UGGT2: variants seen among roughly 807,000 people sequenced by gnomAD.
UGGT2 encodes the protein UDP-glucose glycoprotein glucosyltransferase 2.
Under a neutral mutation model 192.1 loss-of-function variants are expected in UGGT2, and 180 were observed. The ratio of observed to expected loss-of-function variants is 0.94; its 90% CI spans 0.83 to 1.06. The LOEUF is 1.06. Among genes scored for constraint, UGGT2 ranks in the 50% least tolerant of loss-of-function variants. UGGT2 has a pLI of 0.00. For missense variants in UGGT2, 1,849 were observed against 1,795.7 expected (o/e 1.03, Z -0.54); for synonymous variants, 580 against 591.0 (o/e 0.98, Z 0.27).
rs377573656 is a variant in UGGT2, at chr13:96,023,645, A to T, written c.356T>A (p.Ile119Asn). Residue 119 changes from isoleucine to asparagine, a missense_variant, in exon 3 of 39, where the codon ATT becomes AAT. Transcript: ENST00000376747. ...TTTACGCACCTGCTGAAACATCTGA[A>T]TAGCTGGGGAGTATGCCCTTATAGA... ...AFSIRAYSPAIQMFQQIAADE... is the reference protein window; with the variant it reads ...AFSIRAYSPANQMFQQIAADE... 57 of 1,607,994 alleles carry T rather than the reference A, an allele frequency of 3.5e-5. No individual in the cohort carries two copies. The highest frequency in any genetic ancestry group is 4.8e-5 in the Non-Finnish European group (56 of 1,176,506).
intron 31 of UGGT2, 103 bp from the exon 32 acceptor site, chr13:95,860,986 T>C (rs1890111634): frequency 3.7e-6 from 2 of 539,112 alleles, no homozygotes; most frequent in Non-Finnish European, 6.1e-6. Flanking sequence ...TATTTCAAAA[T>C]AGTTAAGCTA....
At chr13:95,981,034 G>C (rs1367998777) in intron 10 of UGGT2, among the ~76,000 whole-genome samples, 2 of 152,016 alleles carry the variant, frequency 1.3e-5, no homozygotes, top group East Asian at 1.9e-4. Context: ...TTTGTGGGCA[G>C]GATGTTTCTT....
chr13:95,907,705 A>G (rs958349111), intron 20 of UGGT2, among the ~76,000 whole-genome samples: 1 of 152,088 alleles, frequency 6.6e-6, no homozygotes, highest in Non-Finnish European at 1.5e-5. Flanking sequence ...CATCAACATC[A>G]ACAAAAAGGT....
chr13:95,920,785 T>G (rs2048820526), intron 20 of UGGT2, among the ~76,000 whole-genome samples: 1 of 152,192 alleles, frequency 6.6e-6, no homozygotes, highest in South Asian at 2.1e-4. Flanking sequence ...CGGAGATTTC[T>G]CAAAGAACTG....
At chr13:95,853,689 T>C (rs1233304735) in intron 35 of UGGT2, 32 bp from the exon 36 acceptor site, 42 of 1,469,366 alleles carry the variant, frequency 2.9e-5, no homozygotes, top group East Asian at 4.7e-5. Context: ...TGATAGCCTA[T>C]GTTGTTTATG....
At chr13:95,897,936 T>C (rs2047993629) in intron 22 of UGGT2, among the ~76,000 whole-genome samples, 1 of 152,102 alleles carries the variant, frequency 6.6e-6, no homozygotes, top group Admixed American at 6.6e-5. Flanking sequence ...TCTTTCCTTC[T>C]TCTTATACTG....
At chr13:96,013,851 G>C (rs1238810123) in intron 4 of UGGT2, among the ~76,000 whole-genome samples, 1 of 152,000 alleles carries the variant, frequency 6.6e-6, no homozygotes, top group Non-Finnish European at 1.5e-5. Flanking sequence ...AAGGCACAAA[G>C]CAAAAGTACT....
At chr13:96,026,168 A>C (rs1157663894) in intron 2 of UGGT2, among the ~76,000 whole-genome samples, 1 of 152,180 alleles carries the variant, frequency 6.6e-6, no homozygotes, top group Non-Finnish European at 1.5e-5. Context: ...TCTAGTTTAA[A>C]AAACAAACAA....
intron 37 of UGGT2, 90 bp downstream of exon 37, chr13:95,836,996 A>C: frequency 1.0e-6 from 1 of 994,740 alleles, no homozygotes; most frequent in Non-Finnish European, 1.6e-6. Context: ...AGTAATACGT[A>C]TGCCACTCCC....
intron 36 of UGGT2, among the ~76,000 whole-genome samples, chr13:95,841,130 T>C (rs1027866811): frequency 5.3e-5 from 8 of 152,104 alleles, no homozygotes; most frequent in Admixed American, 3.3e-4. Flanking sequence ...GACAGGTTGA[T>C]AGGTGCAGCA....
rs118151543 is a variant in UGGT2 at position 96,052,580 on chromosome 13, G to A, written c.158+575C>T. Reference sequence around the variant, plus strand: ...TGTGGTGAACAGCCATTAAGTCATTGGTGTAAAACTTCATTTTTGCTAAGA... The same window carrying A: ...TGTGGTGAACAGCCATTAAGTCATTAGTGTAAAACTTCATTTTTGCTAAGA... On this transcript the variant is annotated intron_variant, in intron 1 of 38. Coordinates refer to ENST00000376747, the MANE Select transcript of UGGT2 (RefSeq NM_020121.4). Among the ~76,000 whole-genome samples the A allele has an allele frequency of 5.5e-4, 84 of 152,258 alleles. 2 individuals are homozygous for A. In the East Asian group the frequency reaches 0.016, roughly 29 times the overall value.
chr13:95,926,244 G>C (rs2049011652), intron 19 of UGGT2, among the ~76,000 whole-genome samples: 1 of 152,094 alleles, frequency 6.6e-6, no homozygotes, highest in Non-Finnish European at 1.5e-5. Context: ...AGTAATCCAG[G>C]AGCCATCTGG....
At chr13:95,978,806 TAAGAC>T (rs1041402203) in intron 10 of UGGT2, among the ~76,000 whole-genome samples, 27 of 152,312 alleles carry the variant, frequency 1.8e-4, no homozygotes, top group African/African-American at 6.0e-4. Flanking sequence ...GAATAAGGAA[TAAGAC>T]AAGATAAGAC....
intron 17 of UGGT2, among the ~76,000 whole-genome samples, chr13:95,931,531 G>A (rs1302468938): frequency 1.3e-5 from 2 of 151,690 alleles, no homozygotes; most frequent in Admixed American, 6.6e-5. Flanking sequence ...AGACCCCACG[G>A]TGCCGGGGCA....
chr13:95,856,242 CCT>C lies in UGGT2; in HGVS notation c.3922_3923del (p.Arg1308AspfsTer11). 3 of 1,613,660 alleles carry C rather than the reference CCT, an allele frequency of 1.9e-6. No individual in the cohort carries two copies. The highest frequency in any genetic ancestry group is 2.5e-6 in the Non-Finnish European group (3 of 1,179,770). On this transcript the variant is annotated frameshift_variant, in exon 34 of 39. Transcript: ENST00000376747. LOFTEE classifies it high-confidence loss of function. The part of the protein sequence containing the change: ...RWLRQQTERQ[R>X]IIWGYKILFL... ...AAAGAATTTTGTAACCCCAAATAAT[CCT>C]CTGTCTTTCAGTCTGTTGACGAAGC...
In UGGT2 at chr13:95,883,446, T is replaced by C. The variant is rs137898955; in HGVS notation, c.3228+1045A>G. ...TTTCTGGATACCAAGTGATATGGTTTGGCTCTGTGTACCCACCCAAATCTC... is the reference window on the plus strand; with the variant it reads ...TTTCTGGATACCAAGTGATATGGTTCGGCTCTGTGTACCCACCCAAATCTC... On this transcript the variant is annotated intron_variant, in intron 27 of 38. Coordinates refer to ENST00000376747, the MANE Select transcript of UGGT2 (RefSeq NM_020121.4). 1.4e-3 allele frequency among the ~76,000 whole-genome samples: 218 copies of C among 152,308 alleles called. 1 individual carries two copies. Among genetic ancestry groups the C allele is most frequent in the African/African-American group, 5.1e-3 (212 of 41,572 alleles).
At chr13:96,016,015 G>A (rs1260561677) in intron 4 of UGGT2, among the ~76,000 whole-genome samples, 1 of 152,178 alleles carries the variant, frequency 6.6e-6, no homozygotes, top group Non-Finnish European at 1.5e-5. Flanking sequence ...TTGTGCTTAT[G>A]CCCTAGGGAT....
intron 35 of UGGT2, 42 bp from the exon 36 acceptor site, chr13:95,853,699 G>C (rs746494611): frequency 1.4e-6 from 2 of 1,389,744 alleles, no homozygotes; most frequent in African/African-American, 3.0e-5. Flanking sequence ...TGTTGTTTAT[G>C]TAGTTTTAGT....
At position 95,877,323 on chromosome 13, in the gene UGGT2, C is replaced by G. The variant is rs1435291737; in HGVS notation, c.3429G>C (p.Leu1143=). 1.9e-6 allele frequency: 3 copies of G among 1,607,766 alleles called. No homozygotes were observed. The highest frequency in any genetic ancestry group is 2.5e-6 in the Non-Finnish European group (3 of 1,177,910). ...QLKANPGAWI[L]RLHQGKSEDI... ...CTTCAGATTTTCCTTGGTGTAACCT[C>G]AGTATCCAAGCACCTGGGTTTGCTT... The change falls in exon 29 of 39, where the codon CTG becomes CTC. Residue 1143 remains leucine, a synonymous_variant. Transcript: ENST00000376747.
Sources: allele counts gnomAD v4.1 joint callset (sites outside exome capture counted in the v4.1 genomes callset), GRCh38; gene constraint gnomAD v4.1.1; transcripts MANE v1.5; gene names NCBI Gene and HGNC (gene_info 2026-07-23, HGNC 2026-07-21).